SCN4A: variants seen among roughly 807,000 people sequenced by gnomAD.
SCN4A encodes the protein sodium channel protein type 4 subunit alpha.
In SCN4A, 83 loss-of-function variants were observed where a neutral mutation model predicts 162.0. That is an observed-to-expected ratio of 0.51 (90% CI 0.43 to 0.61). The LOEUF is 0.61. Ranked by LOEUF, SCN4A falls within the 20% of genes least tolerant of loss-of-function variation. The pLI, the probability that SCN4A is intolerant of heterozygous loss-of-function variation, is 0.00. For synonymous variants in SCN4A, 944 were observed against 985.1 expected, an observed-to-expected ratio of 0.96 and a Z score of 0.78; for missense variants, 2,196 against 2,462.5, an observed-to-expected ratio of 0.89 and a Z score of 2.29.
chr17:63,957,639 G>A (rs1172425544), intron 12 of SCN4A, 121 bp from the exon 13 acceptor site: 3 of 650,988 alleles, frequency 4.6e-6, no homozygotes, highest in Non-Finnish European at 5.3e-6. Flanking sequence ...CACCATCTGA[G>A]TCCTCAGTGT....
chr17:63,949,877 A>G (rs1908852982), intron 14 of SCN4A, among the ~76,000 whole-genome samples: 1 of 148,710 alleles, frequency 6.7e-6, no homozygotes, highest in African/African-American at 2.5e-5. Flanking sequence ...GGTAGCTCTG[A>G]GGGGGCAGGG....
At chr17:63,952,210 T>C (rs865948230) in intron 13 of SCN4A, among the ~76,000 whole-genome samples, 37 of 151,774 alleles carry the variant, frequency 2.4e-4, no homozygotes, top group Middle Eastern at 3.4e-3. Context: ...TTTTTTTTTT[T>C]CGAGATGGAG....
intron 8 of SCN4A, among the ~76,000 whole-genome samples, chr17:63,965,779 G>A (rs1294541004): frequency 6.6e-6 from 1 of 152,218 alleles, no homozygotes; most frequent in Non-Finnish European, 1.5e-5. Context: ...GAGCCACCGC[G>A]CCCGGCAGGC....
In SCN4A at chr17:63,948,795, C is replaced by T. The variant is rs201659469; in HGVS notation, c.2990-30G>A. The T allele has an allele frequency of 4.0e-5, 63 of 1,571,032 alleles. No homozygotes were observed. The Admixed American group carries it at 7.9e-4, about 20-fold the overall frequency. ...TGGGGTGAGGGGGGACAGGGACAGG[C>T]ACCACATCATGGGCCTGGGGTTGCC... On this transcript the variant is annotated intron_variant, in intron 15 of 23. Coordinates refer to ENST00000435607, the MANE Select transcript of SCN4A (RefSeq NM_000334.4).
intron 8 of SCN4A, among the ~76,000 whole-genome samples, chr17:63,965,008 GA>G (rs1909393853): frequency 6.6e-6 from 1 of 152,170 alleles, no homozygotes; most frequent in East Asian, 1.9e-4. Context: ...CACCTAGTAA[GA>G]ACTCAACAAA....
intron 21 of SCN4A, 88 bp from the exon 22 acceptor site, chr17:63,943,938 T>A: frequency 2.5e-6 from 2 of 789,300 alleles, no homozygotes; most frequent in South Asian, 2.9e-5. Context: ...CACCTCACCT[T>A]TAAGGCAGCC....
intron 5 of SCN4A, among the ~76,000 whole-genome samples, chr17:63,969,657 T>C (rs181108220): frequency 6.6e-6 from 1 of 152,184 alleles, no homozygotes; most frequent in East Asian, 1.9e-4. Context: ...TTTTCTTTTT[T>C]TTTTGAGATA....
At chr17:63,949,611 C>G in intron 14 of SCN4A, 83 bp from the exon 15 acceptor site, 1 of 1,443,458 alleles carries the variant, frequency 6.9e-7, no homozygotes, top group Non-Finnish European at 9.3e-7. Context: ...GGATGGGAGA[C>G]CAGAAGGGAA....
intron 5 of SCN4A, among the ~76,000 whole-genome samples, chr17:63,969,956 C>T (rs984531627): frequency 4.6e-5 from 7 of 152,136 alleles, no homozygotes; most frequent in African/African-American, 1.2e-4. Context: ...GGTACTTTCT[C>T]ATATTAGGAT....
At chr17:63,957,124 C>T (rs747419763) in intron 13 of SCN4A, 38 bp downstream of exon 13, 43 of 1,382,998 alleles carry the variant, frequency 3.1e-5, no homozygotes, top group African/African-American at 5.7e-5. Context: ...GTACGCTTCC[C>T]GGGTGAGGGC....
chr17:63,949,005 G>C (rs1426020419), intron 15 of SCN4A, among the ~76,000 whole-genome samples: 1 of 152,210 alleles, frequency 6.6e-6, no homozygotes, highest in African/African-American at 2.4e-5. Context: ...GCAGAGGAAA[G>C]GCCTCCTGGC....
In SCN4A at chr17:63,944,748, G is replaced by A. The variant is rs761202254; in HGVS notation, c.3837C>T (p.Ile1279=). The A allele has an allele frequency of 1.9e-6, 3 of 1,613,856 alleles. No individual in the cohort carries two copies. In the South Asian group the frequency reaches 3.3e-5, roughly 18 times the overall value. The part of the protein sequence containing the change: ...LYMYLYFVIF[I]IFGSFFTLNL... ...TGAGGGTGAAGAAGGAGCCAAAGAT[G>A]ATGAAGATGACAAAGTAGAGGTACA... Residue 1279 remains isoleucine, a synonymous_variant, in exon 21 of 24, where the codon ATC becomes ATT. Transcript: ENST00000435607. This position sits in a 1 kb window ranked among gnomAD's most constrained non-coding sequence, Gnocchi z 4.3.
At chr17:63,962,986 C>A (rs1415811870) in intron 10 of SCN4A, among the ~76,000 whole-genome samples, 1 of 152,178 alleles carries the variant, frequency 6.6e-6, no homozygotes, top group African/African-American at 2.4e-5. Context: ...GGGGAGGGAA[C>A]CACATCTCTG....
rs1051098683 is a variant in SCN4A, at chr17:63,961,609, C to A, written c.1607-178G>T. 29 of 595,792 alleles carry A rather than the reference C, an allele frequency of 4.9e-5. 1 individual carries two copies. The African/African-American group carries it at 5.0e-4, about 10-fold the overall frequency. 36.9% of individuals were successfully genotyped at this position (595,792 alleles called of 1,614,324 possible). A position where few individuals can be genotyped will look rare whatever the true frequency, so the allele number is the denominator to read the frequency against. On this transcript the variant is annotated intron_variant, in intron 10 of 23. Coordinates refer to ENST00000435607, the MANE Select transcript of SCN4A (RefSeq NM_000334.4). ...CTTGCGTCACCCTTACTGTCACCTC[C>A]CCTGTAACCTCCGCCCCACATGGCT...
At position 63,941,634 on chromosome 17, in the gene SCN4A, G is replaced by A. The variant is rs957397485; in HGVS notation, c.4648C>T (p.Pro1550Ser). The A allele has an allele frequency of 1.3e-5, 21 of 1,613,906 alleles. No individual in the cohort carries two copies. In the African/African-American group the frequency reaches 1.7e-4, roughly 13 times the overall value. ...GLLNPILNSG[P>S]PDCDPNLENP... The stretch of plus-strand genomic sequence containing the variant: ...TCCAGGTTGGGGTCACAGTCTGGGG[G>A]CCCGCTGTTGAGGATGGGGTTGAGG... Residue 1550 changes from proline (P) to serine (S), a missense_variant, in exon 24 of 24, where the codon CCC (proline) becomes TCC (serine). Transcript: ENST00000435607. This position sits in a 1 kb window ranked among gnomAD's most constrained non-coding sequence, Gnocchi z 6.2.
chr17:63,955,891 G>A (rs769928618), intron 13 of SCN4A, among the ~76,000 whole-genome samples: 6 of 152,208 alleles, frequency 3.9e-5, no homozygotes, highest in South Asian at 2.1e-4. Context: ...AAGCTCTGTC[G>A]CTGCAGCTCA....
At chr17:63,962,320 GT>G (rs1438859036) in intron 10 of SCN4A, among the ~76,000 whole-genome samples, 3 of 152,180 alleles carry the variant, frequency 2.0e-5, no homozygotes, top group African/African-American at 7.2e-5. Context: ...CCCCTCCAAA[GT>G]GTCCCCAGCC....
At chr17:63,949,324 T>C (rs989230671) in intron 15 of SCN4A, 69 bp downstream of exon 15, 1 of 1,481,678 alleles carries the variant, frequency 6.7e-7, no homozygotes, top group Admixed American at 2.2e-5. Flanking sequence ...TTGGTCCTGG[T>C]GTAGCCTGCC....
At chr17:63,966,292 C>A in intron 7 of SCN4A, 49 bp from the exon 8 acceptor site, 1 of 1,575,708 alleles carries the variant, frequency 6.3e-7, no homozygotes, top group Non-Finnish European at 8.6e-7. Flanking sequence ...AGCACTCCAG[C>A]TGGGGGCAGA....
Sources: gnomAD v4.1 joint callset for allele counts (sites outside exome capture counted in the v4.1 genomes callset) on GRCh38, gnomAD v4.1.1 for gene constraint, Gnocchi (gnomAD v3.1) non-coding constraint, MANE v1.5 for transcripts, NCBI Gene and HGNC (gene_info 2026-07-23, HGNC 2026-07-21) for gene names.